The following ISLR2 variants were observed in gnomAD, a reference collection of about 807,000 sequenced individuals.
ISLR2 encodes the protein immunoglobulin superfamily containing leucine-rich repeat protein 2.
A neutral mutation model predicts 25.5 loss-of-function variants in ISLR2; 16 were observed. That is an observed-to-expected ratio of 0.63 (90% CI 0.43 to 0.95). The LOEUF is 0.95. Among genes scored for constraint, ISLR2 ranks in the 40% least tolerant of loss-of-function variants. The probability of loss-of-function intolerance (pLI) is 0.00; values close to 1 mark genes in which losing one functional copy is unlikely to be tolerated. For missense variants in ISLR2, 883 were observed against 1,030.7 expected (o/e 0.86, Z 1.96); for synonymous variants, 508 against 486.6 (o/e 1.04, Z -0.58).
rs537751883 is a variant in ISLR2 at position 74,122,232 on chromosome 15, G to A, written n.229-8975G>A. Among the ~76,000 whole-genome samples the A allele has an allele frequency of 4.6e-5, 7 of 152,350 alleles. No individual in the cohort carries two copies. The East Asian group carries it at 1.4e-3, about 29-fold the overall frequency. On this transcript the variant is annotated intron_variant and non_coding_transcript_variant, in intron 2 of 3. Coordinates refer to the ISLR2 transcript ENST00000561975. ...GTCTCCCTCCCAGTAAAGTGAAAGG[G>A]ATAGAGGACCTCCAGGCCCCAAACT...
chr15:74,104,489 T>A (rs982139321), intron 2 of ISLR2, among the ~76,000 whole-genome samples: 2 of 152,162 alleles, frequency 1.3e-5, no homozygotes, highest in African/African-American at 4.8e-5. Context: ...TGAAGAACAG[T>A]TAGATTTTGC....
chr15:74,118,655 A>G (rs893322715), intron 2 of ISLR2, among the ~76,000 whole-genome samples: 4 of 150,594 alleles, frequency 2.7e-5, no homozygotes. Context: ...TATTATTATT[A>G]TTATTATTAT....
intron 2 of ISLR2, among the ~76,000 whole-genome samples, chr15:74,104,412 A>C (rs1031408616): frequency 1.3e-5 from 2 of 152,250 alleles, no homozygotes; most frequent in African/African-American, 4.8e-5. Flanking sequence ...CATTAACATA[A>C]ATGTGGGTGG....
rs943475323 is a variant in ISLR2 at position 74,135,080 on chromosome 15, C to T, written c.*88C>T. 1.2e-5 allele frequency: 17 copies of T among 1,470,410 alleles called. No homozygotes were observed. Among genetic ancestry groups the T allele is most frequent in the African/African-American group, 9.8e-5 (7 of 71,380 alleles). 91.1% of individuals were successfully genotyped at this position (1,470,410 alleles called of 1,614,324 possible). A position where few individuals can be genotyped will look rare whatever the true frequency, so the allele number is the denominator to read the frequency against. ...TAGGGCTGGCAGGACTTATGTCCCC[C>T]GTCCCCAACCTTCACCTACTCCTCC... On this transcript the variant is annotated 3_prime_UTR_variant, in exon 3 of 3. Coordinates refer to ENST00000453268, the MANE Select transcript of ISLR2 (RefSeq NM_020851.3).
chr15:74,126,922 G>GTGTGTGTGTGTT (rs1365021508), upstream of ISLR2: 2 of 147,642 alleles, frequency 1.4e-5, no homozygotes, highest in East Asian at 3.9e-4. Context: ...GTGTGTGTGT[G>GTGTGTGTGTGTT]TGTGTGTGTG....
chr15:74,127,411 G>C (rs555053712), upstream of ISLR2: 2 of 152,330 alleles, frequency 1.3e-5, no homozygotes, highest in South Asian at 4.1e-4. Context: ...GGGACTAGTC[G>C]CTCAAGAATT....
upstream of ISLR2, chr15:74,126,894 ATTTGTGTGTGTGTG>A (rs1411200661): frequency 2.6e-5 from 3 of 113,336 alleles, no homozygotes; most frequent in Admixed American, 9.1e-5. Context: ...TGGAGAGAAC[ATTTGTGTGTGTGTG>A]TGTGTGTGTG....
chr15:74,133,126 G>C lies in ISLR2; in HGVS notation c.372G>C (p.Ala124=). Residue 124 remains alanine (A), a synonymous_variant, in exon 3 of 3, where the codon GCG becomes GCC. Coordinates refer to ENST00000453268, the MANE Select transcript of ISLR2 (RefSeq NM_020851.3). The part of the protein sequence containing the change: ...FPWSDLRNLS[A]LQLLKMNHNR... ...GGAGCGACCTGCGCAACCTGAGCGCGCTGCAGCTGCTCAAAATGAACCACA... is the reference window on the plus strand; with the variant it reads ...GGAGCGACCTGCGCAACCTGAGCGCCCTGCAGCTGCTCAAAATGAACCACA... 1 of 1,612,682 alleles carries C rather than the reference G, an allele frequency of 6.2e-7. No individual in the cohort carries two copies. Among genetic ancestry groups the C allele is most frequent in the Non-Finnish European group, 8.5e-7 (1 of 1,179,980 alleles).
At chr15:74,107,626 A>T (rs2072131392) in intron 2 of ISLR2, among the ~76,000 whole-genome samples, 1 of 152,170 alleles carries the variant, frequency 6.6e-6, no homozygotes, top group South Asian at 2.1e-4. Flanking sequence ...GCTCCCACAG[A>T]GGGAGCCACC....
intron 2 of ISLR2, among the ~76,000 whole-genome samples, chr15:74,114,816 C>T (rs2072198516): frequency 6.6e-6 from 1 of 152,094 alleles, no homozygotes; most frequent in Non-Finnish European, 1.5e-5. Flanking sequence ...ACAGTGTCCT[C>T]AGTTTACTGC....
Position 74,135,170 on chromosome 15 carries a change from T to C in ISLR2, c.*178T>C. ...TTAGGGAGTGGGCCGATTTCACCAGTCCCTGCTACCCACGGCTGCCATTCT... is the reference window on the plus strand; with the variant it reads ...TTAGGGAGTGGGCCGATTTCACCAGCCCCTGCTACCCACGGCTGCCATTCT... On this transcript the variant is annotated 3_prime_UTR_variant, in exon 3 of 3. Transcript: ENST00000453268. 1 of 708,050 alleles carries C rather than the reference T, an allele frequency of 1.4e-6. No homozygotes were observed. Among genetic ancestry groups the C allele is most frequent in the Non-Finnish European group, 2.4e-6 (1 of 423,160 alleles). The allele number at this position is 708,050 out of a possible 1,614,324, so 43.9% of individuals were successfully genotyped here. A position where few individuals can be genotyped will look rare whatever the true frequency, so the allele number is the denominator to read the frequency against.
At chr15:74,125,098 C>T (rs2072283707), upstream of ISLR2, among the ~76,000 whole-genome samples, 1 of 152,226 alleles carries the variant, frequency 6.6e-6, no homozygotes, top group Non-Finnish European at 1.5e-5. Flanking sequence ...CATGGCAAGT[C>T]CTGCCACGGA....
downstream of ISLR2, among the ~76,000 whole-genome samples, chr15:74,140,322 A>G (rs968489171): frequency 3.3e-5 from 5 of 152,140 alleles, no homozygotes; most frequent in African/African-American, 1.2e-4. Flanking sequence ...CAGTACATAT[A>G]TGGCCTGTGA....
chr15:74,134,652 C>T lies in ISLR2; in HGVS notation c.1898C>T (p.Ala633Val), dbSNP rs147684256. 18 of 1,614,022 alleles carry T rather than the reference C, an allele frequency of 1.1e-5. No individual in the cohort carries two copies. In the African/African-American group the frequency reaches 2.4e-4, roughly 22 times the overall value. ...TACCGTCTGATCCTGCGGCCTCAGG[C>T]CCCTGACCCTATGGAGAAGCGCATC... ...KPYRLILRPQ[A>V]PDPMEKRIAA... The change falls in exon 3 of 3, where the codon GCC (alanine) becomes GTC (valine). Residue 633 changes from alanine to valine, a missense_variant. By Grantham distance (64) the Ala-to-Val change is moderately conservative. Coordinates refer to ENST00000453268, the MANE Select transcript of ISLR2 (RefSeq NM_020851.3).
intron 2 of ISLR2, among the ~76,000 whole-genome samples, chr15:74,113,304 C>T (rs1326206459): frequency 6.6e-6 from 1 of 152,128 alleles, no homozygotes; most frequent in Non-Finnish European, 1.5e-5. Context: ...CTGCACACCA[C>T]CACACCCAAC....
intron 2 of ISLR2, among the ~76,000 whole-genome samples, chr15:74,111,771 G>A (rs545307195): frequency 1.3e-5 from 2 of 152,294 alleles, no homozygotes; most frequent in East Asian, 3.9e-4. Flanking sequence ...GAAGTGAGAA[G>A]ATTATAAAGA....
At chr15:74,137,152 ACTGT>A (rs887190130), downstream of ISLR2, among the ~76,000 whole-genome samples, 6 of 152,230 alleles carry the variant, frequency 3.9e-5, no homozygotes, top group East Asian at 3.9e-4. Flanking sequence ...TTCACTTGAG[ACTGT>A]CTGTGTAGTG....
upstream of ISLR2, chr15:74,129,454 G>T (rs2072356734): frequency 1.1e-5 from 2 of 184,498 alleles, no homozygotes; most frequent in South Asian, 2.2e-4. The surrounding 1 kb of genome is among the most constrained non-coding windows in gnomAD (Gnocchi z 4.5). Flanking sequence ...TGATGGCTGT[G>T]GGGCTTGGTG....
intron 2 of ISLR2, among the ~76,000 whole-genome samples, chr15:74,109,090 A>G (rs965371426): frequency 1.3e-5 from 2 of 152,236 alleles, no homozygotes; most frequent in Non-Finnish European, 2.9e-5. Flanking sequence ...AAAGTTAAAA[A>G]CACAAAAGAC....
Sources: allele counts gnomAD v4.1 joint callset (sites outside exome capture counted in the v4.1 genomes callset), GRCh38; gene constraint gnomAD v4.1.1; non-coding constraint Gnocchi (gnomAD v3.1); transcripts MANE v1.5; gene names NCBI Gene and HGNC (gene_info 2026-07-23, HGNC 2026-07-21).